Variants in TRAK1 observed in about 807,000 individuals in gnomAD.
TRAK1 encodes trafficking kinesin-binding protein 1.
Under a neutral mutation model 92.1 loss-of-function variants are expected in TRAK1, and 33 were observed. The ratio of observed to expected loss-of-function variants is 0.36; its 90% CI spans 0.27 to 0.48. The LOEUF (loss-of-function observed/expected upper bound fraction) is 0.48. Ranked by LOEUF, TRAK1 falls within the 20% of genes least tolerant of loss-of-function variation. The pLI is 0.99. For missense variants in TRAK1, 1,123 were observed against 1,257.9 expected, an observed-to-expected ratio of 0.89 and a Z score of 1.62; for synonymous variants, 521 against 517.3, an observed-to-expected ratio of 1.01 and a Z score of -0.10.
chr3:42,027,724 A>G (rs866619350), intron 1 of TRAK1, among the ~76,000 whole-genome samples: 1 of 152,216 alleles, frequency 6.6e-6, no homozygotes, highest in African/African-American at 2.4e-5. Flanking sequence ...TTATTTATTA[A>G]TATGTTTATT....
At chr3:42,064,887 C>G (rs1361679142) in intron 1 of TRAK1, among the ~76,000 whole-genome samples, 1 of 151,956 alleles carries the variant, frequency 6.6e-6, no homozygotes, top group Non-Finnish European at 1.5e-5. Flanking sequence ...CCTGTCTCTA[C>G]TAAAAATAAC....
At chr3:42,101,600 G>A (rs776713680) in intron 1 of TRAK1, among the ~76,000 whole-genome samples, 4 of 152,212 alleles carry the variant, frequency 2.6e-5, no homozygotes, top group Non-Finnish European at 4.4e-5. Flanking sequence ...TTTTAGGTTT[G>A]CAGGTCAGAA....
chr3:42,175,353 G>C (rs1703066785), intron 2 of TRAK1, among the ~76,000 whole-genome samples: 1 of 152,254 alleles, frequency 6.6e-6, no homozygotes, highest in African/African-American at 2.4e-5. Context: ...GTGTGACCTC[G>C]AGCTGATGGA....
chr3:42,058,109 G>A (rs976304618), intron 1 of TRAK1, among the ~76,000 whole-genome samples: 1 of 152,080 alleles, frequency 6.6e-6, no homozygotes, highest in Non-Finnish European at 1.5e-5. Flanking sequence ...TGCCACAGTG[G>A]GCATTTCATT....
chr3:42,066,268 GTGAGC>G (rs1485246275), intron 1 of TRAK1, among the ~76,000 whole-genome samples: 7 of 152,322 alleles, frequency 4.6e-5, no homozygotes, highest in Middle Eastern at 3.4e-3. Context: ...AAAGGTTACA[GTGAGC>G]TGAGATTGTG....
intron 10 of TRAK1, among the ~76,000 whole-genome samples, chr3:42,195,143 T>A (rs140354344): frequency 3.2e-4 from 49 of 152,330 alleles, no homozygotes; most frequent in African/African-American, 1.1e-3. Context: ...TTTCTGTTCC[T>A]CTAAATCTGT....
At chr3:42,034,984 C>T (rs768465977) in intron 1 of TRAK1, among the ~76,000 whole-genome samples, 2 of 152,196 alleles carry the variant, frequency 1.3e-5, no homozygotes, top group African/African-American at 4.8e-5. Context: ...AGGCCACATC[C>T]CCTGCAGCCA....
At chr3:42,056,596 G>A (rs1179152834) in intron 1 of TRAK1, among the ~76,000 whole-genome samples, 1 of 152,140 alleles carries the variant, frequency 6.6e-6, no homozygotes, top group Non-Finnish European at 1.5e-5. Flanking sequence ...TTATTAAAGA[G>A]ATTATTTTAC....
intron 3 of TRAK1, among the ~76,000 whole-genome samples, chr3:42,177,444 A>G (rs1048214937): frequency 3.9e-5 from 6 of 152,260 alleles, no homozygotes; most frequent in Non-Finnish European, 8.8e-5. Context: ...CTAGAAACAG[A>G]TGAGTATAAT....
intron 8 of TRAK1, 80 bp downstream of exon 8, chr3:42,193,285 T>G: frequency 3.8e-6 from 6 of 1,562,848 alleles, no homozygotes; most frequent in Middle Eastern, 1.7e-4. Flanking sequence ...CAGAAGACAG[T>G]GCTCTTTAGT....
At chr3:42,030,374 T>TATAC (rs1702083024) in intron 1 of TRAK1, among the ~76,000 whole-genome samples, 2 of 32,276 alleles carry the variant, frequency 6.2e-5, no homozygotes, top group Non-Finnish European at 2.3e-4. Context: ...AAAAAAAAAA[T>TATAC]ATATATATAT....
At chr3:42,200,108 T>C (rs574881301) in intron 11 of TRAK1, among the ~76,000 whole-genome samples, 2 of 152,312 alleles carry the variant, frequency 1.3e-5, no homozygotes, top group South Asian at 4.2e-4. Context: ...GTGTTTTCTG[T>C]GTACTCAGAC....
intron 1 of TRAK1, among the ~76,000 whole-genome samples, chr3:42,122,425 G>A (rs569342170): frequency 1.3e-5 from 2 of 152,146 alleles, no homozygotes; most frequent in East Asian, 3.9e-4. Flanking sequence ...TGTTGTGTGG[G>A]TGTGTCATGC....
intron 2 of TRAK1, among the ~76,000 whole-genome samples, chr3:42,130,469 A>T (rs1697046671): frequency 6.6e-6 from 1 of 152,244 alleles, no homozygotes; most frequent in Non-Finnish European, 1.5e-5. Context: ...ACTGTAAAGT[A>T]ATATTAAGGA....
At chr3:42,109,209 A>G (rs1007355526) in intron 1 of TRAK1, among the ~76,000 whole-genome samples, 6 of 152,338 alleles carry the variant, frequency 3.9e-5, no homozygotes, top group East Asian at 1.9e-4. Context: ...GTAAATGCTT[A>G]TAAGTGCTTA....
chr3:42,154,298 G>A (rs1164810102), intron 2 of TRAK1, among the ~76,000 whole-genome samples: 2 of 151,718 alleles, frequency 1.3e-5, no homozygotes, highest in African/African-American at 2.4e-5. Context: ...TCAACCTCCT[G>A]AGTAGTTAGG....
intron 2 of TRAK1, among the ~76,000 whole-genome samples, chr3:42,170,909 C>T (rs1362816897): frequency 1.3e-5 from 2 of 151,528 alleles, no homozygotes; most frequent in Admixed American, 6.6e-5. Context: ...CTGCAAGCTC[C>T]GCCTCCTGGG....
chr3:42,029,916 A>G (rs1320681993), intron 1 of TRAK1, among the ~76,000 whole-genome samples: 2 of 151,934 alleles, frequency 1.3e-5, no homozygotes, highest in Non-Finnish European at 2.9e-5. Context: ...GCACGATTGG[A>G]AGTACGGATG....
intron 1 of TRAK1, among the ~76,000 whole-genome samples, chr3:42,041,154 C>T (rs1051853571): frequency 6.4e-5 from 9 of 139,866 alleles, no homozygotes; most frequent in South Asian, 4.6e-4. Flanking sequence ...AAAAAAAAAA[C>T]GGCTGGGATT....
Sources: allele counts gnomAD v4.1 joint callset (sites outside exome capture counted in the v4.1 genomes callset), GRCh38; gene constraint gnomAD v4.1.1; transcripts MANE v1.5; gene names NCBI Gene and HGNC (gene_info 2026-07-23, HGNC 2026-07-21).